The following ITSN1 variants were observed in gnomAD, a reference collection of about 807,000 sequenced individuals.
The protein encoded by ITSN1 is intersectin 1.
In ITSN1, 58 loss-of-function variants were observed where a neutral mutation model predicts 239.8. The observed-to-expected ratio is 0.24, with a 90% CI of 0.20 to 0.30. The LOEUF (loss-of-function observed/expected upper bound fraction) is 0.30, where lower values mean the gene tolerates loss of function less well. Among genes scored for constraint, ITSN1 ranks in the 10% least tolerant of loss-of-function variants. The pLI is 1.00. For synonymous variants in ITSN1, 780 were observed against 770.8 expected (o/e 1.01, Z -0.20); for missense variants, 1,558 against 2,103.3 (o/e 0.74, Z 5.07).
intron 1 of ITSN1, among the ~76,000 whole-genome samples, chr21:33,707,272 A>C (rs1287060282): frequency 6.6e-6 from 1 of 151,850 alleles, no homozygotes; most frequent in African/African-American, 2.4e-5. Context: ...GCATATACTT[A>C]TTTTTTATGT....
intron 16 of ITSN1, among the ~76,000 whole-genome samples, chr21:33,789,997 A>C (rs2070980099): frequency 1.3e-5 from 2 of 152,178 alleles, no homozygotes; most frequent in Admixed American, 1.3e-4. Context: ...AGAAAATTAA[A>C]AGCAAGTTGA....
intron 1 of ITSN1, among the ~76,000 whole-genome samples, chr21:33,711,985 T>A (rs1402350793): frequency 6.6e-6 from 1 of 152,222 alleles, no homozygotes; most frequent in Non-Finnish European, 1.5e-5. Flanking sequence ...TCTGCTTTCA[T>A]TCTTAAAGAT....
rs775539589 is a variant in ITSN1, at chr21:33,875,462, G to C, written c.4282G>C (p.Glu1428Gln). Residue 1428 changes from glutamate (E) to glutamine (Q), a missense_variant, in exon 34 of 40, where the codon GAG becomes CAG. Transcript: ENST00000381318. Reference sequence around the variant, plus strand: ...GGTGAACGAAGGGGTGCGGGAGAAGGAGAACTCTGACCGGCTGGAGTGGAT... The same window carrying C: ...GGTGAACGAAGGGGTGCGGGAGAAGCAGAACTCTGACCGGCTGGAGTGGAT... ...SQVNEGVREK[E>Q]NSDRLEWIQA... The C allele has an allele frequency of 6.2e-7, 1 of 1,614,162 alleles. No homozygotes were observed. Among genetic ancestry groups the C allele is most frequent in the African/African-American group, 1.3e-5 (1 of 75,030 alleles).
intron 22 of ITSN1, chr21:33,817,656 G>A: frequency 8.3e-7 from 1 of 1,211,528 alleles, no homozygotes; most frequent in South Asian, 1.5e-5. Context: ...AATTATCTGG[G>A]GGAGGCAGAG....
chr21:33,834,466 C>T, intron 28 of ITSN1, 42 bp downstream of exon 28: 10 of 1,334,066 alleles, frequency 7.5e-6, no homozygotes, highest in Non-Finnish European at 1.1e-5. Context: ...GGTCTGCATG[C>T]CACTTGAGTT....
At chr21:33,702,092 AATTTTTTTTTTTTT>A in intron 1 of ITSN1, among the ~76,000 whole-genome samples, 1 of 116,724 alleles carries the variant, frequency 8.6e-6, no homozygotes, top group Admixed American at 8.7e-5. Flanking sequence ...CAAACAAAAA[AATTTTTTTTTTTTT>A]TTTTTTTTTT....
chr21:33,836,948 T>A, intron 29 of ITSN1: 1 of 1,567,524 alleles, frequency 6.4e-7, no homozygotes. Context: ...TTGCTCATTG[T>A]TTTGTTTTGC....
rs1291765363 is a variant in ITSN1 at position 33,891,951 on chromosome 21, GATTT to G, written c.*3652_*3655del. On this transcript the variant is annotated 3_prime_UTR_variant, in exon 40 of 40. Transcript: ENST00000381318. ...TTGGAAACAAAGTATGATTTGATTT[GATTT>G]GATTTCTAAGTTCTCCCTTCCTTTT... 1 of 151,854 alleles carries G rather than the reference GATTT, an allele frequency of 6.6e-6. No homozygotes were observed. The highest frequency in any genetic ancestry group is 2.4e-5 in the African/African-American group (1 of 41,336). 9.4% of individuals were successfully genotyped at this position (151,854 alleles called of 1,614,324 possible). A position where few individuals can be genotyped will look rare whatever the true frequency, so the allele number is the denominator to read the frequency against.
chr21:33,819,082 T>TA lies in ITSN1; in HGVS notation c.2934-158dup, dbSNP rs3216078. ...CGAGCTTAGAGTCATGCCTCTGTAGTACCTTATTATGTGTTTTTAACCTAG... is the reference window on the plus strand; with the variant it reads ...CGAGCTTAGAGTCATGCCTCTGTAGTAACCTTATTATGTGTTTTTAACCTAG... On this transcript the variant is annotated intron_variant, in intron 23 of 39. Transcript: ENST00000381318. Among the ~76,000 whole-genome samples, 73,494 of 152,122 alleles carry TA rather than the reference T, an allele frequency of 0.48. 19,176 individuals are homozygous for TA. Among genetic ancestry groups the TA allele is most frequent in the East Asian group, 0.7 (3,624 of 5,168 alleles).
Position 33,865,448 on chromosome 21 carries a change from G to A in ITSN1, c.4074+114G>A. 1.2e-6 allele frequency: 1 copy of A among 845,034 alleles called. No homozygotes were observed. The highest frequency in any genetic ancestry group is 1.8e-6 in the Non-Finnish European group (1 of 564,540). 52.3% of individuals were successfully genotyped at this position (845,034 alleles called of 1,614,324 possible). On this transcript the variant is annotated intron_variant, in intron 32 of 39. Transcript: ENST00000381318. The surrounding 1 kb of genome is among the most constrained non-coding windows in gnomAD (Gnocchi z 4.4). ...AGAGTGTTCCCACTAGAGGCCAACA[G>A]GGCCTAGGGTCTTGGCTAAGCCTTA...
intron 16 of ITSN1, among the ~76,000 whole-genome samples, chr21:33,793,397 G>A (rs1422227393): frequency 6.6e-6 from 1 of 152,210 alleles, no homozygotes; most frequent in Non-Finnish European, 1.5e-5. Flanking sequence ...CAGCTGGAAA[G>A]ATACCTTGGC....
At chr21:33,883,993 G>A (rs1389030252) in intron 36 of ITSN1, among the ~76,000 whole-genome samples, 1 of 148,034 alleles carries the variant, frequency 6.8e-6, no homozygotes, top group Non-Finnish European at 1.5e-5. Flanking sequence ...TTAACCTCCT[G>A]GGCTCAGGTA....
intron 1 of ITSN1, among the ~76,000 whole-genome samples, chr21:33,654,808 A>G (rs2088892515): frequency 6.6e-6 from 1 of 152,210 alleles, no homozygotes; most frequent in Non-Finnish European, 1.5e-5. Flanking sequence ...GTAACTGTCT[A>G]AAGAGAAGCA....
chr21:33,874,105 G>A (rs1305933851), intron 33 of ITSN1, among the ~76,000 whole-genome samples: 6 of 142,692 alleles, frequency 4.2e-5, no homozygotes, highest in Non-Finnish European at 6.0e-5. Flanking sequence ...GCAGTGAGCC[G>A]AGATAGCGCC....
At chr21:33,669,072 AACAG>A (rs987331276) in intron 1 of ITSN1, among the ~76,000 whole-genome samples, 4 of 152,204 alleles carry the variant, frequency 2.6e-5, no homozygotes, top group Non-Finnish European at 4.4e-5. Context: ...GTGTTCCAGA[AACAG>A]ACAGAGAAGA....
chr21:33,844,376 C>T (rs935033005), intron 29 of ITSN1, among the ~76,000 whole-genome samples: 1 of 152,194 alleles, frequency 6.6e-6, no homozygotes, highest in Non-Finnish European at 1.5e-5. Flanking sequence ...TGTTGGCAGG[C>T]CCATGCAGCG....
chr21:33,874,971 A>G (rs1983471590), intron 33 of ITSN1, among the ~76,000 whole-genome samples: 1 of 151,388 alleles, frequency 6.6e-6, no homozygotes, highest in Non-Finnish European at 1.5e-5. Context: ...TCAAAGAGAA[A>G]CTCTAAGGGC....
intron 1 of ITSN1, among the ~76,000 whole-genome samples, chr21:33,712,391 C>G (rs2146970809): frequency 6.6e-6 from 1 of 152,306 alleles, no homozygotes; most frequent in East Asian, 1.9e-4. Flanking sequence ...ATTCTCTATG[C>G]TGTCTGTGGA....
chr21:33,875,605 C>T (rs1983599942), intron 34 of ITSN1, 84 bp downstream of exon 34: 1 of 1,293,498 alleles, frequency 7.7e-7, no homozygotes. Flanking sequence ...AAAGCATGAA[C>T]CATTCTCCTC....
Sources: allele counts gnomAD v4.1 joint callset (sites outside exome capture counted in the v4.1 genomes callset), GRCh38; gene constraint gnomAD v4.1.1; non-coding constraint Gnocchi (gnomAD v3.1); transcripts MANE v1.5; gene names NCBI Gene and HGNC (gene_info 2026-07-23, HGNC 2026-07-21).